CFAP58: variants seen among roughly 807,000 people sequenced by gnomAD.
CFAP58 encodes the protein cilia and flagella associated protein 58, also known as cilia- and flagella-associated protein 58.
Under a neutral mutation model 119.5 loss-of-function variants are expected in CFAP58, and 88 were observed. The ratio of observed to expected loss-of-function variants is 0.74; its 90% CI spans 0.62 to 0.88. CFAP58 has a LOEUF of 0.88. Ranked by LOEUF, CFAP58 falls within the 40% of genes least tolerant of loss-of-function variation. The pLI, the probability that CFAP58 is intolerant of heterozygous loss-of-function variation, is 0.00. For missense variants in CFAP58, 990 were observed against 1,021.2 expected, an observed-to-expected ratio of 0.97 and a Z score of 0.42; for synonymous variants, 365 against 366.3, an observed-to-expected ratio of 1.00 and a Z score of 0.04.
At chr10:104,368,722 G>A (rs2014785687) in intron 6 of CFAP58, among the ~76,000 whole-genome samples, 162 bp downstream of exon 6, 2 of 152,336 alleles carry the variant, frequency 1.3e-5, no homozygotes, top group South Asian at 2.1e-4. Context: ...AGGCCCAGAA[G>A]CAGAGTTTGA....
chr10:104,447,033 A>G (rs1158756268), intron 15 of CFAP58, among the ~76,000 whole-genome samples: 1 of 149,574 alleles, frequency 6.7e-6, no homozygotes, highest in African/African-American at 2.5e-5. Context: ...TTTTTTTCAG[A>G]TGGGGCCTGG....
chr10:104,434,624 G>A (rs1466769390), intron 15 of CFAP58, among the ~76,000 whole-genome samples: 2 of 152,214 alleles, frequency 1.3e-5, no homozygotes, highest in Non-Finnish European at 2.9e-5. Context: ...GAGTCAGGGC[G>A]AGAAACTCAT....
In CFAP58 at chr10:104,438,698, C is replaced by A. The variant is rs146795950; in HGVS notation, c.2257-9000C>A. Among the ~76,000 whole-genome samples the A allele has an allele frequency of 5.1e-3, 774 of 152,260 alleles. 2 individuals are homozygous for A. Among genetic ancestry groups the A allele is most frequent in the Middle Eastern group, 0.017 (5 of 294 alleles). ...CCCATCAATGGGAATTTTTATAAAGCACTTTGGAAAATAATTTTCTATTAC... is the reference window on the plus strand; with the variant it reads ...CCCATCAATGGGAATTTTTATAAAGAACTTTGGAAAATAATTTTCTATTAC... On this transcript the variant is annotated intron_variant, in intron 15 of 17. Transcript: ENST00000369704.
chr10:104,392,384 T>A lies in CFAP58; in HGVS notation c.1517T>A (p.Val506Asp). ...SDRNLYSKNLVEAQDEITDMK... is the reference protein window; with the variant it reads ...SDRNLYSKNLDEAQDEITDMK... ...AGAAATCTGTATAGCAAAAATCTGG[T>A]TGAGGCTCAGGTAAATAATATATTT... Residue 506 changes from valine (V) to aspartate (D), a missense_variant, in exon 10 of 18, where the codon GTT becomes GAT. Transcript: ENST00000369704. 1.9e-6 allele frequency: 3 copies of A among 1,585,022 alleles called. No individual in the cohort carries two copies. In the South Asian group the frequency reaches 3.5e-5, roughly 18 times the overall value.
the CFAP58 span, among the ~76,000 whole-genome samples, chr10:104,347,596 G>A: frequency 6.6e-6 from 1 of 152,076 alleles, no homozygotes; most frequent in Non-Finnish European, 1.5e-5. Context: ...GGCCCCAAAT[G>A]TAGTTTTTAG....
In CFAP58 at chr10:104,392,253, C is replaced by T. The variant is rs1447604186; in HGVS notation, c.1386C>T (p.Asp462=). 2.5e-6 allele frequency: 4 copies of T among 1,610,464 alleles called. No individual in the cohort carries two copies. The highest frequency in any genetic ancestry group is 1.7e-4 in the Middle Eastern group (1 of 6,054). ...TCCAGGTCCTTATGAACATGGAAGA[C>T]ATAAAAGTTCGTGAAACACAGATTT... ...LTQKVLMNME[D]IKVRETQIFD... is the part of the protein sequence containing the mutation. Residue 462 remains aspartate, a synonymous_variant, in exon 10 of 18, where the codon GAC becomes GAT. Coordinates refer to ENST00000369704, the MANE Select transcript of CFAP58 (RefSeq NM_001008723.2).
intron 9 of CFAP58, among the ~76,000 whole-genome samples, chr10:104,383,325 G>A (rs1319871916): frequency 2.0e-5 from 3 of 152,130 alleles, no homozygotes; most frequent in Non-Finnish European, 4.4e-5. Context: ...ACTTTATAGT[G>A]AGCTTTTGGG....
chr10:104,423,923 G>C (rs1247524102), intron 15 of CFAP58, among the ~76,000 whole-genome samples: 2 of 152,140 alleles, frequency 1.3e-5, no homozygotes, highest in Non-Finnish European at 2.9e-5. Context: ...ATTGCAGGTG[G>C]AGCAGAAATT....
At chr10:104,347,927 C>T in the CFAP58 span, among the ~76,000 whole-genome samples, 6 of 152,098 alleles carry the variant, frequency 3.9e-5, no homozygotes, top group African/African-American at 1.5e-4. Flanking sequence ...TTGCTTTATT[C>T]TTCCCTCCAT....
intron 9 of CFAP58, among the ~76,000 whole-genome samples, chr10:104,385,800 C>G (rs750060690): frequency 2.6e-5 from 4 of 152,180 alleles, no homozygotes; most frequent in Non-Finnish European, 4.4e-5. Context: ...CCTGTACAGG[C>G]TGACCATGTT....
At chr10:104,392,701 G>A (rs1327958758) in intron 10 of CFAP58, among the ~76,000 whole-genome samples, 2 of 146,596 alleles carry the variant, frequency 1.4e-5, no homozygotes, top group African/African-American at 5.1e-5. Flanking sequence ...GTGCAGTGAC[G>A]CGATCTCGGC....
At chr10:104,391,034 A>G (rs1433836690) in intron 9 of CFAP58, among the ~76,000 whole-genome samples, 3 of 152,130 alleles carry the variant, frequency 2.0e-5, no homozygotes, top group Non-Finnish European at 2.9e-5. Context: ...GCCATCATTA[A>G]CTCTGATAGG....
intron 17 of CFAP58, 124 bp downstream of exon 17, chr10:104,450,328 G>A (rs2013174586): frequency 1.0e-6 from 1 of 989,912 alleles, no homozygotes; most frequent in South Asian, 1.4e-5. Context: ...GTAAACAAAT[G>A]ACATTCTACA....
At chr10:104,433,138 GA>G (rs1444690804) in intron 15 of CFAP58, among the ~76,000 whole-genome samples, 2 of 152,190 alleles carry the variant, frequency 1.3e-5, no homozygotes, top group African/African-American at 4.8e-5. Context: ...CCATCACCCA[GA>G]TTGGAGTGCA....
At chr10:104,381,021 G>A (rs1425273237) in intron 9 of CFAP58, among the ~76,000 whole-genome samples, 2 of 152,066 alleles carry the variant, frequency 1.3e-5, no homozygotes, top group African/African-American at 2.4e-5. Context: ...ATGGTGGTGT[G>A]CTCCTATGAT....
chr10:104,353,849 C>T lies in CFAP58; in HGVS notation c.-49C>T. 6.3e-7 allele frequency: 1 copy of T among 1,599,320 alleles called. No individual in the cohort carries two copies. Reference sequence around the variant, plus strand: ...TTCTTTCCCAGACTCCGGCCCAGCTCCTGCGATCTCCACAGCAGCCTCTGA... The same window carrying T: ...TTCTTTCCCAGACTCCGGCCCAGCTTCTGCGATCTCCACAGCAGCCTCTGA... On this transcript the variant is annotated 5_prime_UTR_variant, in exon 1 of 18. Coordinates refer to ENST00000369704, the MANE Select transcript of CFAP58 (RefSeq NM_001008723.2).
chr10:104,384,393 C>T (rs1286112887), intron 9 of CFAP58, among the ~76,000 whole-genome samples: 1 of 152,194 alleles, frequency 6.6e-6, no homozygotes, highest in Non-Finnish European at 1.5e-5. Flanking sequence ...AGGTAAACCC[C>T]TTCACCTTAG....
chr10:104,368,115 C>G (rs1352596720), intron 5 of CFAP58, among the ~76,000 whole-genome samples: 2 of 152,254 alleles, frequency 1.3e-5, no homozygotes, highest in Non-Finnish European at 2.9e-5. Context: ...ATATGCGAAG[C>G]CTGCCAAATG....
intron 15 of CFAP58, among the ~76,000 whole-genome samples, chr10:104,420,146 T>C (rs2012632220): frequency 6.6e-6 from 1 of 151,752 alleles, no homozygotes; most frequent in Non-Finnish European, 1.5e-5. Flanking sequence ...TTTTTTACGA[T>C]TGTGTTCAGC....
Sources: gnomAD v4.1 joint callset for allele counts (sites outside exome capture counted in the v4.1 genomes callset) on GRCh38, gnomAD v4.1.1 for gene constraint, MANE v1.5 for transcripts, NCBI Gene and HGNC (gene_info 2026-07-23, HGNC 2026-07-21) for gene names.